The following GPR83 variants were observed in gnomAD, a reference collection of about 807,000 sequenced individuals.
The protein encoded by GPR83 is G protein-coupled receptor 83, also known as G-protein coupled receptor 72.
Under a neutral mutation model 28.0 loss-of-function variants are expected in GPR83, and 23 were observed. That is an observed-to-expected ratio of 0.82 (90% CI 0.59 to 1.16). GPR83 has a LOEUF of 1.16. Ranked by LOEUF, GPR83 falls within the 50% of genes most tolerant of loss-of-function variation. The probability of loss-of-function intolerance (pLI) is 0.00; values close to 1 mark genes in which losing one functional copy is unlikely to be tolerated. For missense variants in GPR83, 610 were observed against 536.6 expected, an observed-to-expected ratio of 1.14 and a Z score of -1.35; for synonymous variants, 234 against 215.4, an observed-to-expected ratio of 1.09 and a Z score of -0.76.
intron 3 of GPR83, among the ~76,000 whole-genome samples, chr11:94,388,080 A>G (rs1225128560): frequency 6.6e-6 from 1 of 152,210 alleles, no homozygotes; most frequent in African/African-American, 2.4e-5. Flanking sequence ...AAACCACACG[A>G]TTATCTCAAT....
Position 94,401,090 on chromosome 11 carries a change from T to G in GPR83, c.158A>C (p.Gln53Pro). 3 of 1,614,220 alleles carry G rather than the reference T, an allele frequency of 1.9e-6. No individual in the cohort carries two copies. The highest frequency in any genetic ancestry group is 2.5e-6 in the Non-Finnish European group (3 of 1,180,040). The change falls in exon 1 of 4, where the codon CAG (glutamine) becomes CCG (proline). Residue 53 changes from glutamine (Q) to proline (P), a missense_variant. Gln to Pro is a moderately conservative substitution (Grantham distance 76, BLOSUM62 -1). Coordinates refer to ENST00000243673, the MANE Select transcript of GPR83 (RefSeq NM_016540.4). ...GTAGCGCCTCCTGCCCACAAAGTTC[T>G]GCCAGTCGGAGAAGGTGTAGTTGTT... is the stretch of plus-strand genomic sequence containing the variant. ...SWNNYTFSDW[Q>P]NFVGRRRYGA...
chr11:94,379,926 G>A lies in GPR83; in HGVS notation c.*223C>T. On this transcript the variant is annotated 3_prime_UTR_variant, in exon 4 of 4. Transcript: ENST00000243673. ...GATACAGGCTGCTGTGCCTCCCAGT[G>A]TTTCTTAGATGGGAATTTATGAACA... is the stretch of plus-strand genomic sequence containing the variant. The A allele has an allele frequency of 2.5e-6, 1 of 392,478 alleles. No individual in the cohort carries two copies. Among genetic ancestry groups the A allele is most frequent in the Non-Finnish European group, 4.5e-6 (1 of 220,612 alleles). 24.3% of individuals were successfully genotyped at this position (392,478 alleles called of 1,614,324 possible).
At chr11:94,395,886 T>G (rs764019275) in intron 2 of GPR83, among the ~76,000 whole-genome samples, 16 of 152,374 alleles carry the variant, frequency 1.1e-4, no homozygotes, top group Non-Finnish European at 1.6e-4. Context: ...CGGGTTTGCT[T>G]TTCTATCCTC....
chr11:94,381,922 T>A (rs1944694317), intron 3 of GPR83, among the ~76,000 whole-genome samples: 1 of 152,162 alleles, frequency 6.6e-6, no homozygotes, highest in South Asian at 2.1e-4. Context: ...AATCATACCC[T>A]TCCTTAGTCT....
In GPR83 at chr11:94,401,097, C is replaced by T. The variant is rs898172738; in HGVS notation, c.151G>A (p.Asp51Asn). ...FFSWNNYTFSDWQNFVGRRRY... is the reference protein window; with the variant it reads ...FFSWNNYTFSNWQNFVGRRRY... ...CTCCTGCCCACAAAGTTCTGCCAGT[C>T]GGAGAAGGTGTAGTTGTTCCAAGAG... Residue 51 changes from aspartate (D) to asparagine (N), a missense_variant, in exon 1 of 4, where the codon GAC (aspartate) becomes AAC (asparagine). Coordinates refer to ENST00000243673, the MANE Select transcript of GPR83 (RefSeq NM_016540.4). 1.2e-6 allele frequency: 2 copies of T among 1,614,224 alleles called. No individual in the cohort carries two copies. The highest frequency in any genetic ancestry group is 8.5e-7 in the Non-Finnish European group (1 of 1,180,040).
chr11:94,380,578 A>G lies in GPR83; in HGVS notation c.843T>C (p.Phe281=). 6.2e-7 allele frequency: 1 copy of G among 1,614,210 alleles called. No individual in the cohort carries two copies. Among genetic ancestry groups the G allele is most frequent in the Non-Finnish European group, 8.5e-7 (1 of 1,180,018 alleles). The change falls in exon 4 of 4, where the codon TTT becomes TTC. Residue 281 remains phenylalanine (F), a synonymous_variant. Coordinates refer to ENST00000243673, the MANE Select transcript of GPR83 (RefSeq NM_016540.4). ...TCTTCTTCTTTTTGCGCCGCAGGGC[A>G]AAGTACTGCTCTGTGGTCACATCGC... ...MIGDVTTEQY[F]ALRRKKKKTI...
At chr11:94,385,433 G>T (rs1000369209) in intron 3 of GPR83, among the ~76,000 whole-genome samples, 3 of 152,160 alleles carry the variant, frequency 2.0e-5, no homozygotes, top group Non-Finnish European at 4.4e-5. Flanking sequence ...CCACGGCAAA[G>T]AAGTTAAAAA....
chr11:94,380,544 T>C lies in GPR83; in HGVS notation c.877A>G (p.Met293Val). 1 of 1,614,166 alleles carries C rather than the reference T, an allele frequency of 6.2e-7. No individual in the cohort carries two copies. The highest frequency in any genetic ancestry group is 1.1e-5 in the South Asian group (1 of 91,076). The change falls in exon 4 of 4, where the codon ATG becomes GTG. Residue 293 changes from methionine to valine, a missense_variant. Transcript: ENST00000243673. ...AAGAGGACTACCACCAGCATCAACA[T>C]CTTGATGGTCTTCTTCTTTTTGCGC... ...LRRKKKKTIK[M>V]LMLVVVLFAL...
At chr11:94,388,013 G>T (rs10831218) in intron 3 of GPR83, among the ~76,000 whole-genome samples, 1 of 151,984 alleles carries the variant, frequency 6.6e-6, no homozygotes, top group African/African-American at 2.4e-5. Context: ...TGCAAGGCTG[G>T]TTCAACATAT....
chr11:94,380,227 A>G lies in GPR83; in HGVS notation c.1194T>C (p.Asn398=). The G allele has an allele frequency of 6.6e-7, 1 of 1,524,110 alleles. No homozygotes were observed. Among genetic ancestry groups the G allele is most frequent in the Non-Finnish European group, 8.8e-7 (1 of 1,137,978 alleles). 94.4% of individuals were successfully genotyped at this position (1,524,110 alleles called of 1,614,324 possible). Residue 398 remains asparagine, a synonymous_variant, in exon 4 of 4, where the codon AAT becomes AAC. Coordinates refer to ENST00000243673, the MANE Select transcript of GPR83 (RefSeq NM_016540.4). ...GGAGTTGGGAGGTGGGCAGGAGGTT[A>G]TTGGCAAGGGGAGCCCTCTGGCCAT... The part of the protein sequence containing the change: ...KNDGQRAPLA[N]NLLPTSQLQS...
At chr11:94,395,457 A>G (rs1944856995) in intron 2 of GPR83, among the ~76,000 whole-genome samples, 1 of 152,202 alleles carries the variant, frequency 6.6e-6, no homozygotes, top group African/African-American at 2.4e-5. Flanking sequence ...AGTGACTGGA[A>G]CATGGGCTTG....
At chr11:94,397,831 A>C (rs1944880061) in intron 1 of GPR83, among the ~76,000 whole-genome samples, 1 of 152,192 alleles carries the variant, frequency 6.6e-6, no homozygotes, top group South Asian at 2.1e-4. Context: ...GGGAATAAGG[A>C]GTGGATTGGC....
At chr11:94,383,905 C>T (rs931848593) in intron 3 of GPR83, among the ~76,000 whole-genome samples, 37 of 152,172 alleles carry the variant, frequency 2.4e-4, no homozygotes, top group Admixed American at 1.5e-3. Context: ...ACCAGAGGTA[C>T]AAACAGGAGC....
intron 3 of GPR83, among the ~76,000 whole-genome samples, chr11:94,384,949 G>C (rs1444221271): frequency 6.6e-6 from 1 of 152,228 alleles, no homozygotes; most frequent in Non-Finnish European, 1.5e-5. Context: ...GCAACCCCCA[G>C]GAGGGGCAGA....
rs958050890 is a variant in GPR83, at chr11:94,377,523, T to A, written c.*2626A>T. On this transcript the variant is annotated 3_prime_UTR_variant, in exon 4 of 4. Transcript: ENST00000243673. The stretch of plus-strand genomic sequence containing the variant: ...AGAGTAAAAGGGTTTTCTCTGGGAC[T>A]TGGCAGTACTGAAGGTCCCGGACTA... 1 of 152,020 alleles carries A rather than the reference T, an allele frequency of 6.6e-6. No individual in the cohort carries two copies. Among genetic ancestry groups the A allele is most frequent in the Non-Finnish European group, 1.5e-5 (1 of 68,028 alleles). 9.4% of individuals were successfully genotyped at this position (152,020 alleles called of 1,614,324 possible). A position where few individuals can be genotyped will look rare whatever the true frequency, so the allele number is the denominator to read the frequency against.
Position 94,380,235 on chromosome 11 carries a change from G to A in GPR83, c.1186C>T (p.Leu396Phe), listed in dbSNP as rs146036633. 2.2e-4 allele frequency: 336 copies of A among 1,528,204 alleles called. No individual in the cohort carries two copies. The highest frequency in any genetic ancestry group is 2.8e-4 in the Non-Finnish European group (318 of 1,140,138). 94.7% of individuals were successfully genotyped at this position (1,528,204 alleles called of 1,614,324 possible). A position where few individuals can be genotyped will look rare whatever the true frequency, so the allele number is the denominator to read the frequency against. ...GAGGTGGGCAGGAGGTTATTGGCAA[G>A]GGGAGCCCTCTGGCCATCATTCTTC... ...TEKNDGQRAP[L>F]ANNLLPTSQL... Residue 396 changes from leucine (L) to phenylalanine (F), a missense_variant, in exon 4 of 4, where the codon CTT (leucine) becomes TTT (phenylalanine). Transcript: ENST00000243673.
intron 3 of GPR83, among the ~76,000 whole-genome samples, chr11:94,389,520 A>G (rs1191725650): frequency 2.3e-4 from 35 of 152,264 alleles, no homozygotes; most frequent in African/African-American, 6.3e-4. Context: ...GATATGAACC[A>G]ACACTTCTCA....
chr11:94,383,950 A>G (rs1430794262), intron 3 of GPR83, among the ~76,000 whole-genome samples: 1 of 152,232 alleles, frequency 6.6e-6, no homozygotes, highest in Non-Finnish European at 1.5e-5. Context: ...TCCAAACAAT[A>G]GAAAAAGAAG....
At position 94,388,171 on chromosome 11, in the gene GPR83, C is replaced by T. The variant is rs1360303643; in HGVS notation, c.647+5314G>A. The stretch of plus-strand genomic sequence containing the variant: ...TAAATTAGGTATTGATGGGACGTAT[C>T]TCAAAATAATAAGAGCTATCTATGA... On this transcript the variant is annotated intron_variant, in intron 3 of 3. Transcript: ENST00000243673. Among the ~76,000 whole-genome samples the T allele has an allele frequency of 3.3e-5, 5 of 152,264 alleles. No individual in the cohort carries two copies. In the East Asian group the frequency reaches 9.6e-4, roughly 29 times the overall value.
Sources: gnomAD v4.1 joint callset for allele counts (sites outside exome capture counted in the v4.1 genomes callset) on GRCh38, gnomAD v4.1.1 for gene constraint, MANE v1.5 for transcripts, NCBI Gene and HGNC (gene_info 2026-07-23, HGNC 2026-07-21) for gene names.